The following TPO variants were observed in gnomAD, a reference collection of about 807,000 sequenced individuals.
TPO encodes the protein thyroid microsomal antigen.
TPO carries 78 observed loss-of-function variants against 96.9 expected under a neutral mutation model. That is an observed-to-expected ratio of 0.81 (90% CI 0.67 to 0.97). TPO has a LOEUF of 0.97. Ranked by LOEUF, TPO falls within the 50% of genes least tolerant of loss-of-function variation. The pLI, the probability that TPO is intolerant of heterozygous loss-of-function variation, is 0.00. For synonymous variants in TPO, 547 were observed against 538.0 expected, an observed-to-expected ratio of 1.02 and a Z score of -0.23; for missense variants, 1,252 against 1,274.8, an observed-to-expected ratio of 0.98 and a Z score of 0.27.
chr2:1,484,135 GCC>G (rs1223063306), intron 8 of TPO, among the ~76,000 whole-genome samples: 1 of 152,134 alleles, frequency 6.6e-6, no homozygotes, highest in African/African-American at 2.4e-5. Flanking sequence ...TAATTTCCAG[GCC>G]CTGTGATTGC....
rs1670056414 is a variant in TPO, at chr2:1,477,341, T to G, written c.1075T>G (p.Ser359Ala). Reference protein sequence around the residue: ...LLRVHARLRDSGRAYLPFVPP... With the variant: ...LLRVHARLRDAGRAYLPFVPP... ...CCGCGTCCACGCGCGCCTCCGGGACTCCGGCCGCGCCTACCTGCCCTTCGT... is the reference window on the plus strand; with the variant it reads ...CCGCGTCCACGCGCGCCTCCGGGACGCCGGCCGCGCCTACCTGCCCTTCGT... The change falls in exon 8 of 17, where the codon TCC (serine) becomes GCC (alanine). Residue 359 changes from serine to alanine, a missense_variant. Coordinates refer to ENST00000329066, the MANE Select transcript of TPO (RefSeq NM_001206744.2). 1 of 1,555,620 alleles carries G rather than the reference T, an allele frequency of 6.4e-7. No individual in the cohort carries two copies. The highest frequency in any genetic ancestry group is 1.2e-5 in the South Asian group (1 of 84,864).
chr2:1,414,124 G>T (rs1662632220), intron 1 of TPO, among the ~76,000 whole-genome samples: 1 of 152,182 alleles, frequency 6.6e-6, no homozygotes, highest in Non-Finnish European at 1.5e-5. Flanking sequence ...AATTTAAATA[G>T]GTTATTACTG....
intron 1 of TPO, among the ~76,000 whole-genome samples, chr2:1,391,380 G>T (rs1204309107): frequency 6.6e-6 from 1 of 152,170 alleles, no homozygotes; most frequent in Non-Finnish European, 1.5e-5. Flanking sequence ...CTATATGTCT[G>T]TTTTGGTACA....
intron 14 of TPO, among the ~76,000 whole-genome samples, chr2:1,516,009 G>T (rs1211520039): frequency 6.6e-6 from 1 of 152,202 alleles, no homozygotes; most frequent in Non-Finnish European, 1.5e-5. Flanking sequence ...AGAAAAGTCG[G>T]TAATAAAACT....
chr2:1,531,115 C>CTGTGTGCAACTGCCCCCAAATCCTCCCAG (rs1678072936), intron 15 of TPO, among the ~76,000 whole-genome samples: 1 of 92,652 alleles, frequency 1.1e-5, no homozygotes, highest in Non-Finnish European at 2.1e-5. Flanking sequence ...AATCCCCCCA[C>CTGTGTGCAACTGCCCCCAAATCCTCCCAG]TGTGTGCAAC....
At chr2:1,474,355 C>T (rs1032738631) in intron 7 of TPO, among the ~76,000 whole-genome samples, 2 of 152,158 alleles carry the variant, frequency 1.3e-5, no homozygotes, top group African/African-American at 4.8e-5. Context: ...TTTTGATTTG[C>T]TGCCCTATCT....
chr2:1,399,077 CA>C (rs1240283241), intron 1 of TPO, among the ~76,000 whole-genome samples: 2 of 152,236 alleles, frequency 1.3e-5, no homozygotes, highest in African/African-American at 2.4e-5. Flanking sequence ...ACCTTCCCTG[CA>C]GGTGCATTTC....
In TPO at chr2:1,435,623, AC is replaced by A. The variant is rs199653425; in HGVS notation, c.350-627del. Among the ~76,000 whole-genome samples the A allele has an allele frequency of 5.8e-3, 878 of 152,212 alleles. 11 individuals are homozygous for A. The highest frequency in any genetic ancestry group is 0.02 in the African/African-American group (845 of 41,518). ...ACTAATGGACAATAAAGCCACTCTCACCTTGATTTGTTGAATAACATATAAA... is the reference window on the plus strand; with the variant it reads ...ACTAATGGACAATAAAGCCACTCTCACTTGATTTGTTGAATAACATATAAA... On this transcript the variant is annotated intron_variant, in intron 4 of 16. Coordinates refer to ENST00000329066, the MANE Select transcript of TPO (RefSeq NM_001206744.2).
intron 1 of TPO, among the ~76,000 whole-genome samples, chr2:1,386,524 G>C (rs1410643259): frequency 6.6e-6 from 1 of 152,134 alleles, no homozygotes; most frequent in Non-Finnish European, 1.5e-5. Context: ...TCTGAGACTA[G>C]GATTGCAACC....
chr2:1,493,724 G>A, intron 10 of TPO, 78 bp from the exon 11 acceptor site: 2 of 1,547,908 alleles, frequency 1.3e-6, no homozygotes, highest in East Asian at 2.2e-5. Flanking sequence ...CCAGTCTCGG[G>A]GACCATGGCA....
At chr2:1,527,849 A>ATGTGTGCAACCTCCTCAT (rs1558414336) in intron 15 of TPO, among the ~76,000 whole-genome samples, 27 of 126,466 alleles carry the variant, frequency 2.1e-4, no homozygotes, top group South Asian at 5.9e-4. Context: ...AACCTCCTCA[A>ATGTGTGCAACCTCCTCAT]ATCCCCCCCA....
intron 5 of TPO, among the ~76,000 whole-genome samples, chr2:1,442,705 T>A (rs1024728559): frequency 2.7e-4 from 41 of 152,224 alleles, no homozygotes; most frequent in African/African-American, 8.4e-4. Flanking sequence ...CTGCTTAGAC[T>A]TCATGTCTTG....
chr2:1,540,286 G>A (rs1381692876), intron 15 of TPO, among the ~76,000 whole-genome samples: 1 of 152,206 alleles, frequency 6.6e-6, no homozygotes, highest in Admixed American at 6.5e-5. Context: ...TGACTGGGGG[G>A]AAATCCTCAC....
chr2:1,510,288 G>C (rs556480425), intron 14 of TPO, among the ~76,000 whole-genome samples: 1 of 152,342 alleles, frequency 6.6e-6, no homozygotes, highest in East Asian at 1.9e-4. Context: ...ACAAACCTAA[G>C]AAAGCGGATT....
At chr2:1,408,690 A>C (rs539001965), upstream of TPO, among the ~76,000 whole-genome samples, 4 of 152,318 alleles carry the variant, frequency 2.6e-5, no homozygotes, top group South Asian at 6.2e-4. Context: ...TACATTCATT[A>C]ATTAATTAAT....
At chr2:1,382,580 G>A (rs1661826293) in intron 1 of TPO, among the ~76,000 whole-genome samples, 1 of 152,152 alleles carries the variant, frequency 6.6e-6, no homozygotes, top group South Asian at 2.1e-4. Flanking sequence ...CAAAACTGGT[G>A]AAGCTGAACA....
At chr2:1,537,617 ACCCCGCTGTGTGCAACATCCCCAGATCCC>A (rs1680113750) in intron 15 of TPO, among the ~76,000 whole-genome samples, 1 of 38,954 alleles carries the variant, frequency 2.6e-5, no homozygotes, top group Non-Finnish European at 4.8e-5. Flanking sequence ...TCCTCAAATC[ACCCCGCTGTGTGCAACATCCCCAGATCCC>A]CCCCAATGTG....
Position 1,397,511 on chromosome 2 carries a change from T to C in TPO, n.180+23109T>C, listed in dbSNP as rs865821188. On this transcript the variant is annotated intron_variant and non_coding_transcript_variant, in intron 1 of 5. Coordinates refer to the TPO transcript ENST00000497517. ...TGCAGAGGGACTCCCATCTCAAAGT[T>C]TGTAGCTCCAGCTGCAGCTCAAATT... Among the ~76,000 whole-genome samples the C allele has an allele frequency of 3.3e-5, 5 of 152,230 alleles. No homozygotes were observed. In the Middle Eastern group the frequency reaches 0.01, roughly 311 times the overall value.
At chr2:1,400,386 G>A (rs941452367) in intron 1 of TPO, among the ~76,000 whole-genome samples, 11 of 151,948 alleles carry the variant, frequency 7.2e-5, no homozygotes, top group Non-Finnish European at 1.0e-4. Flanking sequence ...CCAGCTGCTC[G>A]GGAGGCTGAG....
Sources: allele counts gnomAD v4.1 joint callset (sites outside exome capture counted in the v4.1 genomes callset), GRCh38; gene constraint gnomAD v4.1.1; transcripts MANE v1.5; gene names NCBI Gene and HGNC (gene_info 2026-07-23, HGNC 2026-07-21).